Variants in FAM135A observed in about 807,000 individuals in gnomAD.
FAM135A encodes the protein protein FAM135A.
A neutral mutation model predicts 146.8 loss-of-function variants in FAM135A; 79 were observed. That is an observed-to-expected ratio of 0.54 (90% confidence interval 0.45 to 0.65). The LOEUF is 0.65. Among genes scored for constraint, FAM135A ranks in the 30% least tolerant of loss-of-function variants. The pLI, the probability that FAM135A is intolerant of heterozygous loss-of-function variation, is 0.00. For synonymous variants in FAM135A, 562 were observed against 603.6 expected (o/e 0.93, Z 1.01); for missense variants, 1,623 against 1,758.2 (o/e 0.92, Z 1.38).
intron 12 of FAM135A, among the ~76,000 whole-genome samples, chr6:70,508,971 T>G (rs1790409647): frequency 6.6e-6 from 1 of 152,208 alleles, no homozygotes; most frequent in Non-Finnish European, 1.5e-5. Flanking sequence ...TTTAAGCTTA[T>G]TCTTGTGTGG....
intron 21 of FAM135A, 38 bp downstream of exon 21, chr6:70,556,901 T>G (rs1227318016): frequency 6.4e-7 from 1 of 1,560,302 alleles, no homozygotes; most frequent in Non-Finnish European, 8.8e-7. Context: ...TTATAGGTAT[T>G]AATGAGCTCT....
intron 15 of FAM135A, 107 bp from the exon 16 acceptor site, chr6:70,528,185 A>C: frequency 9.0e-7 from 1 of 1,114,242 alleles, no homozygotes; most frequent in Non-Finnish European, 1.2e-6. Context: ...CATGGTTTTA[A>C]AACCAAATAT....
At position 70,516,575 on chromosome 6, in the gene FAM135A, A is replaced by G. The variant is rs544811189; in HGVS notation, c.1030-5938A>G. Among the ~76,000 whole-genome samples, 653 of 121,778 alleles carry G rather than the reference A, an allele frequency of 5.4e-3. 4 individuals carry two copies. Among genetic ancestry groups the G allele is most frequent in the Middle Eastern group, 7.0e-3 (1 of 142 alleles). 79.9% of individuals were successfully genotyped at this position (121,778 alleles called of 152,430 possible). A position where few individuals can be genotyped will look rare whatever the true frequency, so the allele number is the denominator to read the frequency against. On this transcript the variant is annotated intron_variant, in intron 12 of 21. Transcript: ENST00000418814. Reference sequence around the variant, plus strand: ...TTTTGAGACAGAGTCTTGCTCTGTCACCCAGGCTGGAGTGCAGTGGCGTGA... The same window carrying G: ...TTTTGAGACAGAGTCTTGCTCTGTCGCCCAGGCTGGAGTGCAGTGGCGTGA...
Position 70,426,534 on chromosome 6 carries a change from T to C in FAM135A, c.-40+2T>C, listed in dbSNP as rs1339398673. 1 of 152,158 alleles carries C rather than the reference T, an allele frequency of 6.6e-6. No individual in the cohort carries two copies. Among genetic ancestry groups the C allele is most frequent in the African/African-American group, 2.4e-5 (1 of 41,418 alleles). 9.4% of individuals were successfully genotyped at this position (152,158 alleles called of 1,614,324 possible). A position where few individuals can be genotyped will look rare whatever the true frequency, so the allele number is the denominator to read the frequency against. On this transcript the variant is annotated splice_donor_variant, in intron 3 of 21. Coordinates refer to ENST00000418814, the MANE Select transcript of FAM135A (RefSeq NM_001162529.3). LOFTEE classifies it low-confidence loss of function (5UTR_SPLICE). ...AAAATGAGGCTTTGAAAAGCAGAGG[T>C]AAGAATATAACTTTTTTGCACTTAA...
At chr6:70,532,926 C>G (rs1267329519) in intron 16 of FAM135A, among the ~76,000 whole-genome samples, 1 of 149,544 alleles carries the variant, frequency 6.7e-6, no homozygotes. Context: ...AGCAAGACTC[C>G]ATCTCAAAAA....
intron 2 of FAM135A, among the ~76,000 whole-genome samples, chr6:70,419,335 C>T (rs1023034113): frequency 3.3e-5 from 5 of 151,962 alleles, no homozygotes; most frequent in African/African-American, 9.7e-5. Context: ...GGGAGAGTCA[C>T]TTGAACCTGG....
rs113556238 is a variant in FAM135A, at chr6:70,525,153, A to G, written c.2069A>G (p.Asp690Gly). Residue 690 changes from aspartate to glycine, a missense_variant, in exon 15 of 22, where the codon GAT (aspartate) becomes GGT (glycine). Physicochemically the swap from Asp to Gly is moderately conservative, Grantham distance 94. Transcript: ENST00000418814. ...TELRQEEILVDNLLPNFESLE... is the reference protein window; with the variant it reads ...TELRQEEILVGNLLPNFESLE... Reference sequence around the variant, plus strand: ...CTTCGACAAGAGGAAATACTTGTGGATAATTTACTACCCAACTTTGAGTCC... The same window carrying G: ...CTTCGACAAGAGGAAATACTTGTGGGTAATTTACTACCCAACTTTGAGTCC... 12 of 1,577,686 alleles carry G rather than the reference A, an allele frequency of 7.6e-6. No individual in the cohort carries two copies. In the African/African-American group the frequency reaches 1.6e-4, roughly 22 times the overall value.
intron 20 of FAM135A, 97 bp downstream of exon 20, chr6:70,538,498 TAA>T (rs1181911662): frequency 1.1e-5 from 7 of 613,754 alleles, no homozygotes; most frequent in Non-Finnish European, 1.5e-5. Flanking sequence ...TTCTAGTGGT[TAA>T]AAAAAAGTGT....
chr6:70,426,118 AAAAC>A (rs1770064385), intron 2 of FAM135A, among the ~76,000 whole-genome samples: 1 of 147,874 alleles, frequency 6.8e-6, no homozygotes, highest in African/African-American at 2.5e-5. Context: ...TCAAAAAAAA[AAAAC>A]AACAACAAAA....
In FAM135A at chr6:70,493,962, G is replaced by A. The variant is rs185804840; in HGVS notation, c.873+2879G>A. 7.8e-4 allele frequency among the ~76,000 whole-genome samples: 118 copies of A among 150,990 alleles called. 2 individuals are homozygous for A. In the East Asian group the frequency reaches 0.022, roughly 28 times the overall value. ...CAGCTACTTGGGAGGCTGAGTCAGG[G>A]AGATTTGCTTGAACCCGGGAGGCAG... On this transcript the variant is annotated intron_variant, in intron 11 of 21. Transcript: ENST00000418814.
At position 70,485,872 on chromosome 6, in the gene FAM135A, T is replaced by C. The variant is rs567681475; in HGVS notation, c.823+3718T>C. The stretch of plus-strand genomic sequence containing the variant: ...GTCACATAGCCTATATGAACCCCAA[T>C]ATCTACACTTGTAACAGCAGGGAGT... On this transcript the variant is annotated intron_variant, in intron 10 of 21. Coordinates refer to ENST00000418814, the MANE Select transcript of FAM135A (RefSeq NM_001162529.3). 1.6e-4 allele frequency among the ~76,000 whole-genome samples: 23 copies of C among 148,260 alleles called. No individual in the cohort carries two copies. In the South Asian group the frequency reaches 5.0e-3, roughly 32 times the overall value.
At chr6:70,466,951 T>C (rs992537453) in intron 5 of FAM135A, among the ~76,000 whole-genome samples, 2 of 152,166 alleles carry the variant, frequency 1.3e-5, no homozygotes, top group Admixed American at 6.5e-5. Context: ...AGAGGATCTG[T>C]TTGGGATCTT....
At chr6:70,447,239 T>G (rs1339687331) in intron 4 of FAM135A, among the ~76,000 whole-genome samples, 1 of 152,256 alleles carries the variant, frequency 6.6e-6, no homozygotes, top group African/African-American at 2.4e-5. Flanking sequence ...CTGCTTTGCC[T>G]TGTTTATTTG....
intron 5 of FAM135A, among the ~76,000 whole-genome samples, chr6:70,458,636 G>C (rs779734293): frequency 6.6e-6 from 1 of 152,080 alleles, no homozygotes; most frequent in Non-Finnish European, 1.5e-5. Flanking sequence ...TTTCATGCCA[G>C]TTTACCCCAG....
chr6:70,494,886 CTA>C (rs1786877019), intron 11 of FAM135A, among the ~76,000 whole-genome samples: 1 of 152,124 alleles, frequency 6.6e-6, no homozygotes. Flanking sequence ...TTTGTATAGA[CTA>C]TGCTAAGTAA....
rs148105521 is a variant in FAM135A, at chr6:70,555,696, G to C, written c.4229-1054G>C. On this transcript the variant is annotated intron_variant, in intron 20 of 21. Coordinates refer to ENST00000418814, the MANE Select transcript of FAM135A (RefSeq NM_001162529.3). ...AGTACTGATAATGATGAAGATATTA[G>C]TGTTAAATTGTGTCACGAGATGTGA... 5.1e-3 allele frequency among the ~76,000 whole-genome samples: 783 copies of C among 152,134 alleles called. 5 individuals carry two copies. The highest frequency in any genetic ancestry group is 0.018 in the African/African-American group (734 of 41,476).
chr6:70,553,775 A>G (rs1027031205), intron 20 of FAM135A, among the ~76,000 whole-genome samples: 3 of 152,176 alleles, frequency 2.0e-5, no homozygotes, highest in Admixed American at 1.3e-4. Context: ...TATAAAATAA[A>G]ACTCTCAGGA....
chr6:70,559,414 C>T (rs1451897155), intron 21 of FAM135A, among the ~76,000 whole-genome samples: 1 of 151,258 alleles, frequency 6.6e-6, no homozygotes, highest in Non-Finnish European at 1.5e-5. Flanking sequence ...GCACTCCAGC[C>T]TGGGCAACAA....
chr6:70,485,696 C>T (rs754426292), intron 10 of FAM135A, among the ~76,000 whole-genome samples: 3 of 152,162 alleles, frequency 2.0e-5, no homozygotes, highest in African/African-American at 4.8e-5. Context: ...TTTAAAATAA[C>T]GCCTTGAGTT....
Sources: gnomAD v4.1 joint callset for allele counts (sites outside exome capture counted in the v4.1 genomes callset) on GRCh38, gnomAD v4.1.1 for gene constraint, MANE v1.5 for transcripts, NCBI Gene and HGNC (gene_info 2026-07-23, HGNC 2026-07-21) for gene names.